COL25A1: variants seen among roughly 807,000 people sequenced by gnomAD.
The protein encoded by COL25A1 is collagen type XXV alpha 1 chain.
In COL25A1, 103 loss-of-function variants were observed where a neutral mutation model predicts 128.4. That is an observed-to-expected ratio of 0.80 (90% CI 0.68 to 0.94). The LOEUF (loss-of-function observed/expected upper bound fraction) is 0.94. COL25A1 is among the 40% of genes least tolerant of loss of function. The pLI, the probability that COL25A1 is intolerant of heterozygous loss-of-function variation, is 0.00. For missense variants in COL25A1, 745 were observed against 840.0 expected (o/e 0.89, Z 1.40); for synonymous variants, 279 against 277.2 (o/e 1.01, Z -0.06).
At chr4:108,864,569 G>A (rs1020007984) in intron 20 of COL25A1, among the ~76,000 whole-genome samples, 9 of 152,170 alleles carry the variant, frequency 5.9e-5, no homozygotes, top group African/African-American at 2.2e-4. Flanking sequence ...CAAGGAGCTA[G>A]TGATCTAGTT....
intron 5 of COL25A1, among the ~76,000 whole-genome samples, chr4:109,047,428 G>A (rs554777885): frequency 2.0e-5 from 3 of 152,166 alleles, no homozygotes; most frequent in East Asian, 1.9e-4. Context: ...GCTAAGCTAT[G>A]AGGATGCAAA....
At chr4:109,012,671 C>T (rs780407531) in intron 5 of COL25A1, among the ~76,000 whole-genome samples, 15 of 152,288 alleles carry the variant, frequency 9.8e-5, no homozygotes, top group East Asian at 1.9e-4. Context: ...CTGGCCCGCC[C>T]GCACCACGCT....
intron 30 of COL25A1, among the ~76,000 whole-genome samples, chr4:108,843,154 A>C (rs1165545145): frequency 6.7e-6 from 1 of 149,630 alleles, no homozygotes; most frequent in Non-Finnish European, 1.5e-5. Context: ...GTCTCAAAAA[A>C]AAAAAAAAAA....
At position 109,194,978 on chromosome 4, in the gene COL25A1, A is replaced by G. The variant is rs547206892; in HGVS notation, c.367+105605T>C. Among the ~76,000 whole-genome samples the G allele has an allele frequency of 2.2e-3, 342 of 152,296 alleles. 1 individual carries two copies. The highest frequency in any genetic ancestry group is 7.6e-3 in the African/African-American group (314 of 41,564). On this transcript the variant is annotated intron_variant, in intron 3 of 37. Transcript: ENST00000399132. The stretch of plus-strand genomic sequence containing the variant: ...TTAAAATAAAGTAATTGGATTATTT[A>G]CAACTCAACGGATAAGTGCTTGAGG...
chr4:109,134,987 A>C (rs1299557992), intron 3 of COL25A1, among the ~76,000 whole-genome samples: 2 of 151,192 alleles, frequency 1.3e-5, no homozygotes, highest in Non-Finnish European at 2.9e-5. Flanking sequence ...TCAAGAAGAT[A>C]ACAGAGAAGA....
intron 20 of COL25A1, among the ~76,000 whole-genome samples, chr4:108,868,754 G>A (rs1383881590): frequency 2.2e-5 from 3 of 134,068 alleles, no homozygotes; most frequent in African/African-American, 8.4e-5. Flanking sequence ...GAAGGAGGAA[G>A]AAAGTAAAAG....
intron 10 of COL25A1, among the ~76,000 whole-genome samples, 171 bp from the exon 11 acceptor site, chr4:108,938,014 C>A (rs757192298): frequency 2.0e-5 from 3 of 152,138 alleles, no homozygotes; most frequent in Non-Finnish European, 4.4e-5. Context: ...TACAAATAAA[C>A]TTTACAAATT....
At chr4:108,862,352 T>C (rs1037454939) in intron 22 of COL25A1, 149 bp downstream of exon 22, 4 of 671,610 alleles carry the variant, frequency 6.0e-6, no homozygotes, top group African/African-American at 5.4e-5. Context: ...ATCATAGGGA[T>C]ACTGCAATCC....
intron 3 of COL25A1, among the ~76,000 whole-genome samples, chr4:109,238,411 G>A (rs564582085): frequency 5.3e-5 from 8 of 152,110 alleles, no homozygotes; most frequent in Admixed American, 5.2e-4. Flanking sequence ...GAAAGGTTAT[G>A]TCAGGCAACT....
chr4:108,976,806 T>C (rs1307473545), intron 6 of COL25A1, among the ~76,000 whole-genome samples: 1 of 152,230 alleles, frequency 6.6e-6, no homozygotes, highest in African/African-American at 2.4e-5. Flanking sequence ...GTGGCCCTTC[T>C]GGTAACAGCT....
chr4:108,833,298 T>C (rs533057827), intron 31 of COL25A1, among the ~76,000 whole-genome samples: 15 of 152,306 alleles, frequency 9.8e-5, no homozygotes, highest in African/African-American at 3.4e-4. Context: ...CAGTGGCCAG[T>C]CACTAGGCTT....
intron 6 of COL25A1, among the ~76,000 whole-genome samples, chr4:109,001,746 T>C (rs1286563498): frequency 1.3e-5 from 2 of 152,156 alleles, no homozygotes; most frequent in Non-Finnish European, 2.9e-5. Flanking sequence ...AAGGTCTCCA[T>C]TGAACCTGGA....
Position 109,068,381 on chromosome 4 carries a change from A to G in COL25A1, c.368-18202T>C, listed in dbSNP as rs554226628. Reference sequence around the variant, plus strand: ...TTACCATTTTTGACAGCCAGACTGAAAGGGAGGGAGAGAGGAAGGAAGGAA... The same window carrying G: ...TTACCATTTTTGACAGCCAGACTGAGAGGGAGGGAGAGAGGAAGGAAGGAA... On this transcript the variant is annotated intron_variant, in intron 3 of 37. Coordinates refer to ENST00000399132, the MANE Select transcript of COL25A1 (RefSeq NM_198721.4). Among the ~76,000 whole-genome samples, 13 of 151,962 alleles carry G rather than the reference A, an allele frequency of 8.6e-5. No individual in the cohort carries two copies. The East Asian group carries it at 2.3e-3, about 27-fold the overall frequency.
intron 3 of COL25A1, among the ~76,000 whole-genome samples, chr4:109,076,972 C>T (rs973817762): frequency 6.6e-6 from 1 of 152,130 alleles, no homozygotes; most frequent in African/African-American, 2.4e-5. Flanking sequence ...CTGCCTGCTG[C>T]TCACCTCCTT....
chr4:108,900,404 A>G (rs1742693823), intron 14 of COL25A1, among the ~76,000 whole-genome samples: 1 of 152,198 alleles, frequency 6.6e-6, no homozygotes, highest in African/African-American at 2.4e-5. Flanking sequence ...GCTGACAGGC[A>G]TCTGTGGGTA....
intron 8 of COL25A1, among the ~76,000 whole-genome samples, chr4:108,967,724 A>G (rs1294478849): frequency 1.3e-5 from 2 of 152,202 alleles, no homozygotes; most frequent in African/African-American, 4.8e-5. Context: ...TACCTAGAAA[A>G]GTATCCAGCA....
chr4:108,868,757 A>G lies in COL25A1; in HGVS notation c.1083+331T>C, dbSNP rs539648287. On this transcript the variant is annotated intron_variant, in intron 20 of 37. Coordinates refer to ENST00000399132, the MANE Select transcript of COL25A1 (RefSeq NM_198721.4). ...GGAGGAAGGAAGGAAGGAGGAAGAA[A>G]GTAAAAGGAAGGGAAGGGAAGGAAG... Among the ~76,000 whole-genome samples, 10 of 147,416 alleles carry G rather than the reference A, an allele frequency of 6.8e-5. No individual in the cohort carries two copies. In the South Asian group the frequency reaches 2.2e-3, roughly 33 times the overall value.
chr4:109,071,096 G>A (rs2125982786), intron 3 of COL25A1, among the ~76,000 whole-genome samples: 1 of 152,226 alleles, frequency 6.6e-6, no homozygotes, highest in East Asian at 1.9e-4. Flanking sequence ...TACCAAAACA[G>A]AGATATAGAT....
chr4:109,205,667 A>C (rs1009091698), intron 3 of COL25A1, among the ~76,000 whole-genome samples: 1 of 152,134 alleles, frequency 6.6e-6, no homozygotes, highest in African/African-American at 2.4e-5. Context: ...ATAAACTTCT[A>C]TCTTGATTGT....
Sources: allele counts gnomAD v4.1 joint callset (sites outside exome capture counted in the v4.1 genomes callset), GRCh38; gene constraint gnomAD v4.1.1; transcripts MANE v1.5; gene names NCBI Gene and HGNC (gene_info 2026-07-23, HGNC 2026-07-21).